The following DTNBP1 variants were observed in gnomAD, a reference collection of about 807,000 sequenced individuals.
DTNBP1 encodes the protein dysbindin.
A neutral mutation model predicts 42.8 loss-of-function variants in DTNBP1; 35 were observed. The ratio of observed to expected loss-of-function variants is 0.82; its 90% CI spans 0.63 to 1.09. DTNBP1 has a LOEUF of 1.09. Ranked by LOEUF, DTNBP1 falls within the 50% of genes least tolerant of loss-of-function variation. The probability of loss-of-function intolerance (pLI) is 0.00; values close to 1 mark genes in which losing one functional copy is unlikely to be tolerated. For synonymous variants in DTNBP1, 171 were observed against 162.2 expected (o/e 1.05, Z -0.41); for missense variants, 457 against 424.2 (o/e 1.08, Z -0.68).
chr6:15,584,212 G>A (rs1775959360), intron 7 of DTNBP1, among the ~76,000 whole-genome samples: 2 of 151,968 alleles, frequency 1.3e-5, no homozygotes, highest in Admixed American at 1.3e-4. Flanking sequence ...AATCTTGCCA[G>A]TATTTACCAA....
At chr6:15,619,225 C>T (rs544260039) in intron 5 of DTNBP1, among the ~76,000 whole-genome samples, 48 of 151,894 alleles carry the variant, frequency 3.2e-4, no homozygotes, top group South Asian at 2.1e-3. Flanking sequence ...TTGAATGTTC[C>T]CAAAACAAAA....
intron 8 of DTNBP1, among the ~76,000 whole-genome samples, chr6:15,528,434 C>T (rs1772570012): frequency 6.6e-6 from 1 of 151,988 alleles, no homozygotes; most frequent in Admixed American, 6.6e-5. Flanking sequence ...GCCAAATGTC[C>T]CCTTGGGGGC....
rs373897552 is a variant in DTNBP1, at chr6:15,598,041, A to G, written c.489-4960T>C. Among the ~76,000 whole-genome samples, 5 of 152,372 alleles carry G rather than the reference A, an allele frequency of 3.3e-5. No homozygotes were observed. In the East Asian group the frequency reaches 7.7e-4, roughly 23 times the overall value. On this transcript the variant is annotated intron_variant, in intron 6 of 9. Transcript: ENST00000344537. ...TACTCAATTCAGCTAATGCCTTTAC[A>G]AAATTTAGCATAACCCTAAAACTAA... is the stretch of plus-strand genomic sequence containing the variant.
chr6:15,595,551 G>A (rs1314767086), intron 6 of DTNBP1, among the ~76,000 whole-genome samples: 1 of 152,156 alleles, frequency 6.6e-6, no homozygotes, highest in East Asian at 1.9e-4. Flanking sequence ...ACAGGCATGA[G>A]TCATCGTGCC....
At chr6:15,532,171 C>T (rs919142561) in intron 8 of DTNBP1, among the ~76,000 whole-genome samples, 14 of 152,206 alleles carry the variant, frequency 9.2e-5, no homozygotes, top group East Asian at 5.8e-4. Context: ...CGGGTCTCCC[C>T]GCTGCCGGGG....
intron 3 of DTNBP1, among the ~76,000 whole-genome samples, chr6:15,640,605 AAT>A (rs1760287681): frequency 6.6e-6 from 1 of 152,216 alleles, no homozygotes; most frequent in African/African-American, 2.4e-5. Flanking sequence ...GAGCTATAGG[AAT>A]ATAGGAAAGT....
intron 6 of DTNBP1, among the ~76,000 whole-genome samples, chr6:15,597,881 A>G (rs1318156856): frequency 3.3e-5 from 5 of 152,334 alleles, no homozygotes; most frequent in African/African-American, 1.2e-4. Context: ...ATCAAATATT[A>G]TCTCATTTGA....
chr6:15,565,193 G>A (rs1023696413), intron 7 of DTNBP1, among the ~76,000 whole-genome samples: 6 of 152,216 alleles, frequency 3.9e-5, no homozygotes, highest in Non-Finnish European at 5.9e-5. Flanking sequence ...GTGTAGGCAA[G>A]GATGAGGAGA....
Position 15,522,855 on chromosome 6 carries a change from C to T in DTNBP1, c.*120G>A. On this transcript the variant is annotated 3_prime_UTR_variant, in exon 10 of 10. Transcript: ENST00000344537. ...TTAGCTGTTCTTTAAGTTTCTCACA[C>T]ATTATTGGCAATTATGTAAAAATCA... The T allele has an allele frequency of 2.6e-6, 4 of 1,548,296 alleles. No individual in the cohort carries two copies. The highest frequency in any genetic ancestry group is 1.1e-5 in the South Asian group (1 of 88,564).
At chr6:15,612,945 C>T (rs540499038) in intron 6 of DTNBP1, among the ~76,000 whole-genome samples, 66 of 152,268 alleles carry the variant, frequency 4.3e-4, no homozygotes, top group African/African-American at 1.5e-3. Flanking sequence ...AGGGAAGTTC[C>T]TCTTTTCCCA....
chr6:15,558,384 A>C (rs1271424728), intron 7 of DTNBP1, among the ~76,000 whole-genome samples: 2 of 151,270 alleles, frequency 1.3e-5, no homozygotes, highest in Non-Finnish European at 2.9e-5. Context: ...CTCCTGCCTC[A>C]GCCTCCCAAG....
At chr6:15,653,065 A>G (rs781407342) in intron 1 of DTNBP1, among the ~76,000 whole-genome samples, 1 of 152,262 alleles carries the variant, frequency 6.6e-6, no homozygotes, top group Non-Finnish European at 1.5e-5. Context: ...GGTAACAAAG[A>G]TATCTAAGCA....
At chr6:15,524,174 C>A (rs545853290) in intron 9 of DTNBP1, 59 of 1,447,962 alleles carry the variant, frequency 4.1e-5, no homozygotes, top group South Asian at 2.8e-4. Flanking sequence ...TTCCCGTGAG[C>A]CCCGCAGGAG....
intron 8 of DTNBP1, among the ~76,000 whole-genome samples, chr6:15,531,065 G>T (rs1772786182): frequency 6.6e-6 from 1 of 152,146 alleles, no homozygotes; most frequent in Admixed American, 6.5e-5. Flanking sequence ...ATAGCAGAGA[G>T]CTCCACCCTA....
intron 3 of DTNBP1, among the ~76,000 whole-genome samples, chr6:15,643,067 G>T (rs1037613398): frequency 1.3e-5 from 2 of 152,094 alleles, no homozygotes; most frequent in Non-Finnish European, 2.9e-5. Flanking sequence ...AAAGAAACCA[G>T]AAAACTGATT....
intron 3 of DTNBP1, among the ~76,000 whole-genome samples, chr6:15,638,511 G>C (rs904713149): frequency 6.6e-6 from 1 of 152,178 alleles, no homozygotes; most frequent in Non-Finnish European, 1.5e-5. Flanking sequence ...TTTAATGGAT[G>C]ATACAACTAG....
chr6:15,533,581 T>G, intron 7 of DTNBP1, 186 bp from the exon 8 acceptor site: 3 of 976,172 alleles, frequency 3.1e-6, no homozygotes, highest in Non-Finnish European at 3.2e-6. Flanking sequence ...TTCCTCCCCC[T>G]ACCTGGGCGG....
Position 15,546,354 on chromosome 6 carries a change from C to T in DTNBP1, c.512-12959G>A, listed in dbSNP as rs569762721. Reference sequence around the variant, plus strand: ...TGCTGGGTTTACAGGTGTGAGCCACCGCGCCTGGCCCCACCTCCAGTTCTT... The same window carrying T: ...TGCTGGGTTTACAGGTGTGAGCCACTGCGCCTGGCCCCACCTCCAGTTCTT... On this transcript the variant is annotated intron_variant, in intron 7 of 9. Coordinates refer to ENST00000344537, the MANE Select transcript of DTNBP1 (RefSeq NM_032122.5). 2.0e-3 allele frequency among the ~76,000 whole-genome samples: 298 copies of T among 152,048 alleles called. 1 individual carries two copies. Among genetic ancestry groups the T allele is most frequent in the Non-Finnish European group, 3.1e-3 (209 of 68,008 alleles).
intron 5 of DTNBP1, among the ~76,000 whole-genome samples, chr6:15,620,403 G>T (rs542840266): frequency 6.6e-6 from 1 of 152,062 alleles, no homozygotes; most frequent in Non-Finnish European, 1.5e-5. Flanking sequence ...GACCTGGCTG[G>T]TCTTGAACTC....
Sources: gnomAD v4.1 joint callset for allele counts (sites outside exome capture counted in the v4.1 genomes callset) on GRCh38, gnomAD v4.1.1 for gene constraint, MANE v1.5 for transcripts, NCBI Gene and HGNC (gene_info 2026-07-23, HGNC 2026-07-21) for gene names.